Variants in CACNA2D1 observed in about 807,000 individuals in gnomAD.
CACNA2D1 encodes the protein calcium voltage-gated channel auxiliary subunit alpha2delta 1, also known as voltage-dependent calcium channel subunit alpha-2/delta-1.
Under a neutral mutation model 171.5 loss-of-function variants are expected in CACNA2D1, and 53 were observed. The observed-to-expected ratio is 0.31, with a 90% confidence interval of 0.25 to 0.39. CACNA2D1 has a LOEUF of 0.39. Among genes scored for constraint, CACNA2D1 ranks in the 10% least tolerant of loss-of-function variants. The probability of loss-of-function intolerance (pLI) is 1.00; values close to 1 mark genes in which losing one functional copy is unlikely to be tolerated. For synonymous variants in CACNA2D1, 442 were observed against 443.1 expected (o/e 1.00, Z 0.03); for missense variants, 903 against 1,299.8 (o/e 0.69, Z 4.69).
At chr7:82,247,056 A>G (rs905008483) in intron 3 of CACNA2D1, among the ~76,000 whole-genome samples, 4 of 152,218 alleles carry the variant, frequency 2.6e-5, no homozygotes, top group Non-Finnish European at 4.4e-5. Flanking sequence ...CATATTAGCT[A>G]GCTTTCTACT....
At chr7:82,202,166 A>G (rs1799511656) in intron 3 of CACNA2D1, among the ~76,000 whole-genome samples, 1 of 152,206 alleles carries the variant, frequency 6.6e-6, no homozygotes, top group South Asian at 2.1e-4. Context: ...TATTGTATGT[A>G]CAAGGTATAA....
rs146708789 is a variant in CACNA2D1, at chr7:82,174,573, T to C, written c.295-3964A>G. The stretch of plus-strand genomic sequence containing the variant: ...TTTCTGACTCCAAAGCTTATGCTCC[T>C]TCCACAAGACCATTCTTTAGATTCC... On this transcript the variant is annotated intron_variant, in intron 3 of 38. Transcript: ENST00000356860. 4.7e-3 allele frequency among the ~76,000 whole-genome samples: 716 copies of C among 152,186 alleles called. 3 individuals carry two copies. Among genetic ancestry groups the C allele is most frequent in the Middle Eastern group, 0.014 (4 of 294 alleles).
At chr7:82,189,963 T>A (rs1363882451) in intron 3 of CACNA2D1, among the ~76,000 whole-genome samples, 1 of 151,922 alleles carries the variant, frequency 6.6e-6, no homozygotes, top group East Asian at 1.9e-4. Flanking sequence ...AACGTTATTA[T>A]GCTTATATTT....
At chr7:82,414,307 A>T (rs1462147488) in intron 1 of CACNA2D1, among the ~76,000 whole-genome samples, 3 of 152,180 alleles carry the variant, frequency 2.0e-5, no homozygotes, top group African/African-American at 7.2e-5. Flanking sequence ...ATGGTGCTAG[A>T]GAAGAGAGTG....
intron 10 of CACNA2D1, among the ~76,000 whole-genome samples, chr7:82,043,371 A>G (rs1256505152): frequency 6.6e-6 from 1 of 152,222 alleles, no homozygotes; most frequent in Non-Finnish European, 1.5e-5. Context: ...AAAAAGGATT[A>G]GGATACTCAG....
intron 38 of CACNA2D1, among the ~76,000 whole-genome samples, chr7:81,953,198 G>T (rs1351906118): frequency 6.6e-6 from 1 of 152,094 alleles, no homozygotes; most frequent in African/African-American, 2.4e-5. Context: ...TTTTGCAAAA[G>T]CTGTCTCACT....
intron 3 of CACNA2D1, among the ~76,000 whole-genome samples, chr7:82,230,367 C>G (rs1055573783): frequency 1.5e-4 from 23 of 152,136 alleles, no homozygotes; most frequent in Non-Finnish European, 3.4e-4. Flanking sequence ...ATGTGACACT[C>G]CAGTGTAATG....
chr7:81,956,923 T>TAAAAGGTTAATTAATA (rs1462720492), intron 38 of CACNA2D1, among the ~76,000 whole-genome samples: 2 of 152,140 alleles, frequency 1.3e-5, no homozygotes, highest in Non-Finnish European at 2.9e-5. Flanking sequence ...AGAAATTTCT[T>TAAAAGGTTAATTAATA]AAAAGGTTAA....
chr7:82,132,750 A>C (rs1480303906), intron 5 of CACNA2D1, among the ~76,000 whole-genome samples: 1 of 152,178 alleles, frequency 6.6e-6, no homozygotes, highest in East Asian at 1.9e-4. Flanking sequence ...TGTCTAATTT[A>C]GGCCACTTTT....
chr7:82,095,931 G>T (rs941298284), intron 6 of CACNA2D1, among the ~76,000 whole-genome samples: 12 of 152,158 alleles, frequency 7.9e-5, no homozygotes, highest in Non-Finnish European at 1.2e-4. Flanking sequence ...GAGATGTTCT[G>T]AAGAGCGTGG....
chr7:81,953,895 T>C (rs1792899609), intron 38 of CACNA2D1, among the ~76,000 whole-genome samples: 1 of 152,170 alleles, frequency 6.6e-6, no homozygotes, highest in South Asian at 2.1e-4. Flanking sequence ...TATATATAAT[T>C]TTTGTTTAAT....
At chr7:82,411,895 T>TCTCTCACACACACACACACA (rs1554548045) in intron 1 of CACNA2D1, among the ~76,000 whole-genome samples, 1 of 144,790 alleles carries the variant, frequency 6.9e-6, no homozygotes, top group East Asian at 2.0e-4. Context: ...AAACTAAATC[T>TCTCTCACACACACACACACA]CACACACACA....
intron 5 of CACNA2D1, among the ~76,000 whole-genome samples, chr7:82,128,943 G>C (rs966224730): frequency 1.3e-5 from 2 of 152,014 alleles, no homozygotes; most frequent in Non-Finnish European, 2.9e-5. Flanking sequence ...ATAAGGAGTA[G>C]TGGCATTACA....
At chr7:81,981,876 A>C (rs1562816962) in intron 24 of CACNA2D1, among the ~76,000 whole-genome samples, 1 of 152,174 alleles carries the variant, frequency 6.6e-6, no homozygotes, top group Non-Finnish European at 1.5e-5. Flanking sequence ...GCCACTGTAA[A>C]CATGTTCTCC....
chr7:81,962,095 G>T, intron 35 of CACNA2D1, 72 bp from the exon 36 acceptor site: 1 of 1,419,542 alleles, frequency 7.0e-7, no homozygotes, highest in South Asian at 1.2e-5. Flanking sequence ...CTCCCCTCGA[G>T]TCTTCACTTC....
rs9784956 is a variant in CACNA2D1 at position 82,228,916 on chromosome 7, G to C, written c.295-58307C>G. On this transcript the variant is annotated intron_variant, in intron 3 of 38. Coordinates refer to ENST00000356860, the MANE Select transcript of CACNA2D1 (RefSeq NM_000722.4). ...TGGTTGCAAGACCAGTACCAATGCA[G>C]TTTTAAAAGCTCCTAAGATGACTCT... is the stretch of plus-strand genomic sequence containing the variant. 7.9e-3 allele frequency among the ~76,000 whole-genome samples: 1,196 copies of C among 152,212 alleles called. 11 individuals carry two copies. The highest frequency in any genetic ancestry group is 0.027 in the African/African-American group (1,121 of 41,546).
chr7:82,277,367 A>T (rs1306962833), intron 3 of CACNA2D1, among the ~76,000 whole-genome samples: 2 of 151,930 alleles, frequency 1.3e-5, no homozygotes, highest in Admixed American at 6.6e-5. Flanking sequence ...ACGCCCAGAT[A>T]ATTTTTGAAT....
At chr7:82,190,318 C>T in intron 3 of CACNA2D1, among the ~76,000 whole-genome samples, 1 of 151,726 alleles carries the variant, frequency 6.6e-6, no homozygotes. Flanking sequence ...TTAATTGCTT[C>T]ATATCCATAA....
In CACNA2D1 at chr7:82,238,642, CA is replaced by C. The variant is rs1803894037; in HGVS notation, c.295-68034del. ...TGGTGGAAGTGTAAATTGGTTCAGC[CA>C]CATTCAGTAGTAACTGATCTATTTG... On this transcript the variant is annotated intron_variant, in intron 3 of 38. Transcript: ENST00000356860. Among the ~76,000 whole-genome samples the C allele has an allele frequency of 6.6e-5, 10 of 152,160 alleles. No individual in the cohort carries two copies. The South Asian group carries it at 2.1e-3, about 32-fold the overall frequency.
Sources: allele counts gnomAD v4.1 joint callset (sites outside exome capture counted in the v4.1 genomes callset), GRCh38; gene constraint gnomAD v4.1.1; transcripts MANE v1.5; gene names NCBI Gene and HGNC (gene_info 2026-07-23, HGNC 2026-07-21).